Variants in CYP4F3 observed in about 807,000 individuals in gnomAD.
CYP4F3 encodes cytochrome P450 4F3.
CYP4F3 carries 50 observed loss-of-function variants against 54.8 expected under a neutral mutation model. That is an observed-to-expected ratio of 0.91 (90% confidence interval 0.73 to 1.16). The LOEUF (loss-of-function observed/expected upper bound fraction) is 1.16. CYP4F3 is among the 50% of genes most tolerant of loss of function. The pLI, the probability that CYP4F3 is intolerant of heterozygous loss-of-function variation, is 0.00. For synonymous variants in CYP4F3, 244 were observed against 262.6 expected (o/e 0.93, Z 0.69); for missense variants, 715 against 676.2 (o/e 1.06, Z -0.64).
intron 5 of CYP4F3, among the ~76,000 whole-genome samples, chr19:15,648,332 T>C (rs1260623059): frequency 6.6e-6 from 1 of 151,944 alleles, no homozygotes; most frequent in Non-Finnish European, 1.5e-5. Context: ...CTTCTATAAA[T>C]GCCTGCTGAC....
In CYP4F3 at chr19:15,662,074, C is replaced by A. The variant is rs967196925; in HGVS notation, c.*2689C>A. 1 of 151,648 alleles carries A rather than the reference C, an allele frequency of 6.6e-6. No homozygotes were observed. Among genetic ancestry groups the A allele is most frequent in the Non-Finnish European group, 1.5e-5 (1 of 67,972 alleles). 9.4% of individuals were successfully genotyped at this position (151,648 alleles called of 1,614,324 possible). ...GATCATGAGGTCAGGAGTTTGAGAC[C>A]AGCCTGGCCAATATGGTGAAACCAC... On this transcript the variant is annotated 3_prime_UTR_variant, in exon 13 of 13. Transcript: ENST00000221307.
chr19:15,653,768 GA>G (rs1568400685), intron 9 of CYP4F3, among the ~76,000 whole-genome samples: 8 of 150,768 alleles, frequency 5.3e-5, no homozygotes, highest in Admixed American at 1.3e-4. Flanking sequence ...GAGAGAGAGA[GA>G]GAGAGAGAGA....
chr19:15,645,825 T>G lies in CYP4F3; in HGVS notation c.305T>G (p.Phe102Cys). 6.2e-7 allele frequency: 1 copy of G among 1,613,674 alleles called. No homozygotes were observed. Among genetic ancestry groups the G allele is most frequent in the Non-Finnish European group, 8.5e-7 (1 of 1,179,736 alleles). Reference sequence around the variant, plus strand: ...CCCTGGCACGCAATCGTCCGCATCTTCCACCCCACCTACATCAAGCCTGTG... The same window carrying G: ...CCCTGGCACGCAATCGTCCGCATCTGCCACCCCACCTACATCAAGCCTGTG... ...VGPWHAIVRI[F>C]HPTYIKPVLF... is the part of the protein sequence containing the mutation. Residue 102 changes from phenylalanine (F) to cysteine (C), a missense_variant, in exon 3 of 13, where the codon TTC becomes TGC. By Grantham distance (205) the Phe-to-Cys change is radical (BLOSUM62 -2). Transcript: ENST00000221307.
In CYP4F3 at chr19:15,659,353, G is replaced by A; in HGVS notation, c.1531G>A (p.Gly511Arg). The A allele has an allele frequency of 4.3e-6, 7 of 1,613,028 alleles. No homozygotes were observed. Among genetic ancestry groups the A allele is most frequent in the Non-Finnish European group, 5.9e-6 (7 of 1,179,550 alleles). ...KPELVLRAEGGLWLRVEPLS is the reference protein window; with the variant it reads ...KPELVLRAEGRLWLRVEPLS Reference sequence around the variant, plus strand: ...GGAGCTGGTCCTGCGCGCAGAGGGCGGACTTTGGCTGCGGGTGGAGCCCCT... The same window carrying A: ...GGAGCTGGTCCTGCGCGCAGAGGGCAGACTTTGGCTGCGGGTGGAGCCCCT... Residue 511 changes from glycine to arginine, a missense_variant, in exon 13 of 13, where the codon GGA becomes AGA. Coordinates refer to ENST00000221307, the MANE Select transcript of CYP4F3 (RefSeq NM_000896.3).
chr19:15,658,089 A>G (rs559054404), intron 9 of CYP4F3, 175 bp from the exon 10 acceptor site: 6 of 977,414 alleles, frequency 6.1e-6, no homozygotes, highest in South Asian at 4.7e-5. Context: ...CCATGGGTCT[A>G]TTTTCTTGTT....
intron 12 of CYP4F3, 124 bp from the exon 13 acceptor site, chr19:15,659,096 T>C (rs1973118739): frequency 7.3e-7 from 1 of 1,366,702 alleles, no homozygotes; most frequent in East Asian, 2.5e-5. Context: ...CAGGCACGGA[T>C]ACCCCCTTCT....
In CYP4F3 at chr19:15,662,426, C is replaced by T. The variant is rs1973202512; in HGVS notation, c.*3041C>T. The T allele has an allele frequency of 6.6e-6, 1 of 151,854 alleles. No individual in the cohort carries two copies. Among genetic ancestry groups the T allele is most frequent in the African/African-American group, 2.4e-5 (1 of 41,326 alleles). The allele number at this position is 151,854 out of a possible 1,614,324, so 9.4% of individuals were successfully genotyped here. A position where few individuals can be genotyped will look rare whatever the true frequency, so the allele number is the denominator to read the frequency against. On this transcript the variant is annotated 3_prime_UTR_variant, in exon 13 of 13. Transcript: ENST00000221307. The stretch of plus-strand genomic sequence containing the variant: ...TATTCTATTCCATGTTGGACCAATA[C>T]CACACTGCCCTAGTCACTGTTGCAT...
In CYP4F3 at chr19:15,656,601, T is replaced by C. The variant is rs528759332; in HGVS notation, c.1116-1663T>C. Among the ~76,000 whole-genome samples, 14 of 125,384 alleles carry C rather than the reference T, an allele frequency of 1.1e-4. No homozygotes were observed. In the South Asian group the frequency reaches 3.0e-3, roughly 27 times the overall value. The allele number at this position is 125,384 out of a possible 152,430, so 82.3% of individuals were successfully genotyped here. On this transcript the variant is annotated intron_variant, in intron 9 of 12. Coordinates refer to ENST00000221307, the MANE Select transcript of CYP4F3 (RefSeq NM_000896.3). ...GTATCTATCATCTATCTCTATTATC[T>C]GTCTATCTATCTATCATCTATGTAT...
chr19:15,658,112 T>G, intron 9 of CYP4F3, 152 bp from the exon 10 acceptor site: 1 of 1,515,078 alleles, frequency 6.6e-7, no homozygotes, highest in South Asian at 1.3e-5. Flanking sequence ...TGCAACAGTG[T>G]CACACTGTTT....
At position 15,651,701 on chromosome 19, in the gene CYP4F3, TTATGTC is replaced by T. The variant is rs551901659; in HGVS notation, c.919-863_919-858del. Reference sequence around the variant, plus strand: ...TGTGTCTGTTTTTGTCTGTCCATGTTTATGTCTATGAGTATTTGTGTCTGTGTCTAT... The same window carrying T: ...TGTGTCTGTTTTTGTCTGTCCATGTTTATGAGTATTTGTGTCTGTGTCTAT... On this transcript the variant is annotated intron_variant, in intron 7 of 12. Coordinates refer to ENST00000221307, the MANE Select transcript of CYP4F3 (RefSeq NM_000896.3). Among the ~76,000 whole-genome samples the T allele has an allele frequency of 7.5e-3, 1,138 of 152,246 alleles. 10 individuals carry two copies. The highest frequency in any genetic ancestry group is 0.013 in the South Asian group (64 of 4,814).
intron 6 of CYP4F3, 62 bp downstream of exon 6, chr19:15,649,343 C>T: frequency 6.2e-7 from 1 of 1,607,872 alleles, no homozygotes. Flanking sequence ...AGGTGGGGGG[C>T]TGGGGAGGAC....
At chr19:15,649,330 G>T (rs770093953) in intron 6 of CYP4F3, 49 bp downstream of exon 6, 1 of 1,610,694 alleles carries the variant, frequency 6.2e-7, no homozygotes, top group Non-Finnish European at 8.5e-7. Context: ...ACACAAAGTT[G>T]GTAGGTGGGG....
chr19:15,649,625 G>A (rs1183878411), intron 6 of CYP4F3, among the ~76,000 whole-genome samples: 1 of 152,096 alleles, frequency 6.6e-6, no homozygotes, highest in Non-Finnish European at 1.5e-5. Flanking sequence ...GGAAGGAGAA[G>A]GGGCAAGACT....
rs1362239830 is a variant in CYP4F3, at chr19:15,659,812, G to C, written c.*427G>C. 6.3e-6 allele frequency: 1 copy of C among 158,876 alleles called. No homozygotes were observed. The allele number at this position is 158,876 out of a possible 1,614,324, so 9.8% of individuals were successfully genotyped here. On this transcript the variant is annotated 3_prime_UTR_variant, in exon 13 of 13. Transcript: ENST00000221307. ...TTTCCAGAACAGGCCAATCTGAAGA[G>C]ATGTATAGTGGATTGGTGGCTTTCA... is the stretch of plus-strand genomic sequence containing the variant.
At chr19:15,650,368 C>A in intron 7 of CYP4F3, 185 bp downstream of exon 7, 1 of 1,178,374 alleles carries the variant, frequency 8.5e-7, no homozygotes, top group Non-Finnish European at 1.2e-6. Context: ...CAGGGGACTG[C>A]TAAATGAAAT....
At chr19:15,653,873 G>A (rs1048024681) in intron 9 of CYP4F3, among the ~76,000 whole-genome samples, 2 of 152,286 alleles carry the variant, frequency 1.3e-5, no homozygotes, top group East Asian at 3.9e-4. Flanking sequence ...TGGTAGCAGG[G>A]GCTGGCTGTG....
intron 3 of CYP4F3, among the ~76,000 whole-genome samples, chr19:15,646,337 G>T (rs1201826892): frequency 6.6e-6 from 1 of 152,156 alleles, no homozygotes; most frequent in African/African-American, 2.4e-5. Flanking sequence ...ATGTTTGGGG[G>T]TTGTGTGAGG....
chr19:15,646,956 G>T, intron 3 of CYP4F3, 96 bp from the exon 4 acceptor site: 9 of 1,542,104 alleles, frequency 5.8e-6, no homozygotes, highest in Non-Finnish European at 8.0e-6. Flanking sequence ...GGCTTGGAGG[G>T]AAGAAGTGCA....
At chr19:15,641,246 GCTGGGCCTTT>G (rs555118457) in intron 1 of CYP4F3, 159 bp from the exon 2 acceptor site, 34 of 794,574 alleles carry the variant, frequency 4.3e-5, no homozygotes, top group Non-Finnish European at 6.2e-5. Context: ...GCTGGTTTTG[GCTGGGCCTTT>G]CTGGACTTTA....
Sources: allele counts gnomAD v4.1 joint callset (sites outside exome capture counted in the v4.1 genomes callset), GRCh38; gene constraint gnomAD v4.1.1; transcripts MANE v1.5; gene names NCBI Gene and HGNC (gene_info 2026-07-23, HGNC 2026-07-21).